Variants in GPC6 observed in about 807,000 individuals in gnomAD.
The protein encoded by GPC6 is glypican-6.
In GPC6, 14 loss-of-function variants were observed where a neutral mutation model predicts 55.2. The observed-to-expected ratio is 0.25, with a 90% confidence interval of 0.17 to 0.40. GPC6 has a LOEUF of 0.40. Among genes scored for constraint, GPC6 ranks in the 10% least tolerant of loss-of-function variants. GPC6 has a pLI of 1.00. For missense variants in GPC6, 641 were observed against 708.5 expected, an observed-to-expected ratio of 0.90 and a Z score of 1.08; for synonymous variants, 278 against 259.6, an observed-to-expected ratio of 1.07 and a Z score of -0.68.
At chr13:93,272,394 T>C (rs1056055638) in intron 1 of GPC6, among the ~76,000 whole-genome samples, 1 of 151,400 alleles carries the variant, frequency 6.6e-6, no homozygotes, top group Non-Finnish European at 1.5e-5. Flanking sequence ...TGATAGTCAC[T>C]TCATTTGAGA....
chr13:93,770,297 G>A (rs1045798022), intron 2 of GPC6, among the ~76,000 whole-genome samples: 3 of 152,138 alleles, frequency 2.0e-5, no homozygotes, highest in Non-Finnish European at 4.4e-5. Context: ...GATAAAATAT[G>A]TAAAGCACTT....
In GPC6 at chr13:93,750,229, A is replaced by G. The variant is rs149949137; in HGVS notation, c.320-79925A>G. ...GGAGAAAGTAGTAGTGAAGATTCCA[A>G]TGATCACAGTGTGTGGGATGTTTCT... is the stretch of plus-strand genomic sequence containing the variant. On this transcript the variant is annotated intron_variant, in intron 2 of 8. Transcript: ENST00000377047. Among the ~76,000 whole-genome samples, 176 of 152,308 alleles carry G rather than the reference A, an allele frequency of 1.2e-3. 1 individual carries two copies. Among genetic ancestry groups the G allele is most frequent in the Non-Finnish European group, 1.5e-3 (104 of 68,018 alleles).
chr13:93,811,965 G>A (rs1428511743), intron 2 of GPC6, among the ~76,000 whole-genome samples: 1 of 152,014 alleles, frequency 6.6e-6, no homozygotes, highest in Non-Finnish European at 1.5e-5. Context: ...AGCTGACCTT[G>A]GCACCAACGT....
At chr13:93,940,647 T>C (rs763611438) in intron 3 of GPC6, among the ~76,000 whole-genome samples, 2 of 152,204 alleles carry the variant, frequency 1.3e-5, no homozygotes, top group Non-Finnish European at 2.9e-5. Flanking sequence ...GTTTGTATCC[T>C]GTAAAATCCT....
At chr13:93,618,838 T>A (rs1333180221) in intron 2 of GPC6, among the ~76,000 whole-genome samples, 1 of 152,164 alleles carries the variant, frequency 6.6e-6, no homozygotes, top group African/African-American at 2.4e-5. Context: ...CATTGCTTAA[T>A]GATGGGGATA....
chr13:94,163,631 T>G (rs1005248962), intron 4 of GPC6, among the ~76,000 whole-genome samples: 1 of 152,194 alleles, frequency 6.6e-6, no homozygotes, highest in African/African-American at 2.4e-5. Flanking sequence ...ACAAAAGGAT[T>G]AGAAAAGTTA....
chr13:93,450,368 G>T (rs1479040572), intron 1 of GPC6, among the ~76,000 whole-genome samples: 1 of 152,280 alleles, frequency 6.6e-6, no homozygotes, highest in Admixed American at 6.5e-5. Flanking sequence ...AATTATGTGA[G>T]CCTCCTCATC....
At chr13:93,579,498 A>G (rs1876836103) in intron 2 of GPC6, among the ~76,000 whole-genome samples, 1 of 152,066 alleles carries the variant, frequency 6.6e-6, no homozygotes, top group Non-Finnish European at 1.5e-5. Context: ...GTAGTACAAG[A>G]TTTTTTTCAG....
chr13:93,396,382 G>T (rs997337003), intron 1 of GPC6, among the ~76,000 whole-genome samples: 1 of 152,026 alleles, frequency 6.6e-6, no homozygotes, highest in South Asian at 2.1e-4. Flanking sequence ...GGCCAATACG[G>T]TGAAAACCTG....
intron 2 of GPC6, among the ~76,000 whole-genome samples, chr13:93,802,540 G>C (rs1052049692): frequency 2.6e-5 from 4 of 152,002 alleles, no homozygotes; most frequent in African/African-American, 9.7e-5. Flanking sequence ...TAGGATTAAA[G>C]GTGTATAACC....
At chr13:93,764,062 C>G (rs912270089) in intron 2 of GPC6, among the ~76,000 whole-genome samples, 1 of 152,090 alleles carries the variant, frequency 6.6e-6, no homozygotes, top group Non-Finnish European at 1.5e-5. Flanking sequence ...CTGCCAATCA[C>G]CTAAGCACCT....
At chr13:93,687,894 G>GC (rs1566487453) in intron 2 of GPC6, among the ~76,000 whole-genome samples, 1 of 145,320 alleles carries the variant, frequency 6.9e-6, no homozygotes, top group African/African-American at 2.8e-5. Context: ...TGTGTGTTTG[G>GC]CTTTTTTTTT....
At chr13:93,252,102 CA>C (rs1210971177) in intron 1 of GPC6, among the ~76,000 whole-genome samples, 1 of 152,168 alleles carries the variant, frequency 6.6e-6, no homozygotes, top group African/African-American at 2.4e-5. Context: ...CAAACCTAAA[CA>C]GGTGGGCCCC....
At chr13:93,605,068 G>C (rs1340067729) in intron 2 of GPC6, among the ~76,000 whole-genome samples, 2 of 151,768 alleles carry the variant, frequency 1.3e-5, no homozygotes, top group Non-Finnish European at 2.9e-5. Context: ...CCTTTTTTTT[G>C]TTGCTGTTGT....
Position 93,291,123 on chromosome 13 carries a change from G to A in GPC6, c.160+63507G>A, listed in dbSNP as rs541042709. On this transcript the variant is annotated intron_variant, in intron 1 of 8. Coordinates refer to ENST00000377047, the MANE Select transcript of GPC6 (RefSeq NM_005708.5). ...AATGCTGACATAGTATGGCATTGATGTAGGTTGAAGCAGGCAGACTGACAT... is the reference window on the plus strand; with the variant it reads ...AATGCTGACATAGTATGGCATTGATATAGGTTGAAGCAGGCAGACTGACAT... Among the ~76,000 whole-genome samples the A allele has an allele frequency of 1.3e-3, 199 of 152,294 alleles. 1 individual carries two copies. Among genetic ancestry groups the A allele is most frequent in the African/African-American group, 4.1e-3 (169 of 41,578 alleles).
chr13:94,382,686 G>A lies in GPC6; in HGVS notation c.1289+136G>A, dbSNP rs73553826. On this transcript the variant is annotated intron_variant, in intron 7 of 8. Transcript: ENST00000377047. ...AGGGACAAGTCATCACTTAGCAACA[G>A]CTGTTGAGAGTGACAGGTTTGATGG... 2.5e-3 allele frequency: 2,853 copies of A among 1,154,352 alleles called. 50 individuals carry two copies. In the African/African-American group the frequency reaches 0.038, roughly 15 times the overall value. 71.5% of individuals were successfully genotyped at this position (1,154,352 alleles called of 1,614,324 possible). A position where few individuals can be genotyped will look rare whatever the true frequency, so the allele number is the denominator to read the frequency against.
At chr13:94,150,415 C>T (rs560845201) in intron 4 of GPC6, among the ~76,000 whole-genome samples, 1 of 152,142 alleles carries the variant, frequency 6.6e-6, no homozygotes, top group South Asian at 2.1e-4. Context: ...TTTGAAGTCT[C>T]AGCTTTTTAG....
chr13:93,809,850 T>C (rs186447695), intron 2 of GPC6, among the ~76,000 whole-genome samples: 37 of 152,294 alleles, frequency 2.4e-4, no homozygotes, highest in Non-Finnish European at 4.6e-4. Flanking sequence ...TTGGAACGTA[T>C]AGCTTAGAAG....
chr13:93,732,859 A>G (rs919406924), intron 2 of GPC6, among the ~76,000 whole-genome samples: 1 of 152,178 alleles, frequency 6.6e-6, no homozygotes, highest in Non-Finnish European at 1.5e-5. Flanking sequence ...GATTAAACTA[A>G]TCTATATATA....
Sources: allele counts gnomAD v4.1 joint callset (sites outside exome capture counted in the v4.1 genomes callset), GRCh38; gene constraint gnomAD v4.1.1; transcripts MANE v1.5; gene names NCBI Gene and HGNC (gene_info 2026-07-23, HGNC 2026-07-21).